Variants in RASA2 observed in about 807,000 individuals in gnomAD.
RASA2 encodes ras GTPase-activating protein 2.
Under a neutral mutation model 118.2 loss-of-function variants are expected in RASA2, and 155 were observed. That is an observed-to-expected ratio of 1.31 (90% CI 1.15 to 1.50). RASA2 has a LOEUF of 1.50. Ranked by LOEUF, RASA2 falls within the 40% of genes most tolerant of loss-of-function variation. The pLI is 0.00. For synonymous variants in RASA2, 353 were observed against 349.1 expected (o/e 1.01, Z -0.12); for missense variants, 1,016 against 1,009.6 (o/e 1.01, Z -0.09).
chr3:141,592,052 A>G (rs2083292652), intron 19 of RASA2, among the ~76,000 whole-genome samples: 1 of 152,194 alleles, frequency 6.6e-6, no homozygotes, highest in Non-Finnish European at 1.5e-5. Context: ...GATCTTTACT[A>G]AGACAATAAA....
intron 9 of RASA2, among the ~76,000 whole-genome samples, chr3:141,563,269 C>T (rs1042598435): frequency 6.6e-6 from 1 of 152,056 alleles, no homozygotes; most frequent in African/African-American, 2.4e-5. Context: ...GGAAATATTT[C>T]ATTCAAAAAC....
rs868604336 is a variant in RASA2 at position 141,528,724 on chromosome 3, T to C, written c.356-984T>C. 4.6e-5 allele frequency among the ~76,000 whole-genome samples: 7 copies of C among 152,108 alleles called. No individual in the cohort carries two copies. In the Middle Eastern group the frequency reaches 0.014, roughly 296 times the overall value. On this transcript the variant is annotated intron_variant, in intron 3 of 23. Coordinates refer to ENST00000286364, the MANE Select transcript of RASA2 (RefSeq NM_006506.5). Reference sequence around the variant, plus strand: ...CCTGTTCCTTCCTTTTCACTTGATATACAAAAGTTGACGTATCTTGACAGA... The same window carrying C: ...CCTGTTCCTTCCTTTTCACTTGATACACAAAAGTTGACGTATCTTGACAGA...
In RASA2 at chr3:141,556,936, T is replaced by C. The variant is rs527647500; in HGVS notation, c.684+1024T>C. 6.6e-5 allele frequency among the ~76,000 whole-genome samples: 10 copies of C among 152,214 alleles called. No homozygotes were observed. In the East Asian group the frequency reaches 1.9e-3, roughly 29 times the overall value. On this transcript the variant is annotated intron_variant, in intron 7 of 23. Coordinates refer to ENST00000286364, the MANE Select transcript of RASA2 (RefSeq NM_006506.5). Reference sequence around the variant, plus strand: ...AGAAAAAGTACCAATGTGAGACTTTTCCATTTCCTGGCTAAGGACTTGGTG... The same window carrying C: ...AGAAAAAGTACCAATGTGAGACTTTCCCATTTCCTGGCTAAGGACTTGGTG...
intron 7 of RASA2, among the ~76,000 whole-genome samples, chr3:141,557,866 C>G (rs1337765285): frequency 6.6e-6 from 1 of 151,958 alleles, no homozygotes. Flanking sequence ...GGTTCCAAAT[C>G]TGGAAAAATA....
intron 2 of RASA2, among the ~76,000 whole-genome samples, chr3:141,515,145 A>G (rs993536067): frequency 6.6e-6 from 1 of 152,214 alleles, no homozygotes; most frequent in Non-Finnish European, 1.5e-5. Context: ...TTTGTAACTT[A>G]TAGCTCAATA....
intron 1 of RASA2, among the ~76,000 whole-genome samples, chr3:141,500,692 A>C (rs2081766026): frequency 6.6e-6 from 1 of 152,164 alleles, no homozygotes; most frequent in African/African-American, 2.4e-5. Context: ...CTTAATGGAT[A>C]ACTTATTTGA....
intron 2 of RASA2, 131 bp downstream of exon 2, chr3:141,512,411 T>A: frequency 1.6e-6 from 1 of 627,302 alleles, no homozygotes; most frequent in Non-Finnish European, 2.7e-6. Flanking sequence ...TTTCATTGCC[T>A]CAAAATGTAT....
intron 1 of RASA2, among the ~76,000 whole-genome samples, chr3:141,505,873 G>A (rs1042208027): frequency 2.6e-5 from 4 of 152,110 alleles, no homozygotes; most frequent in Admixed American, 2.6e-4. Context: ...AGATATGTAT[G>A]ATTTAGGAAG....
In RASA2 at chr3:141,573,303, G is replaced by A. The variant is rs570619708; in HGVS notation, c.1359+82G>A. Reference sequence around the variant, plus strand: ...TTTCTCCCACTTACATTATGATAAAGCCATATAGAGGGAAGCAGTGCTGTT... The same window carrying A: ...TTTCTCCCACTTACATTATGATAAAACCATATAGAGGGAAGCAGTGCTGTT... On this transcript the variant is annotated intron_variant, in intron 13 of 23. Coordinates refer to ENST00000286364, the MANE Select transcript of RASA2 (RefSeq NM_006506.5). 175 of 1,394,570 alleles carry A rather than the reference G, an allele frequency of 1.3e-4. 3 individuals carry two copies. In the South Asian group the frequency reaches 2.4e-3, roughly 20 times the overall value. 86.4% of individuals were successfully genotyped at this position (1,394,570 alleles called of 1,614,324 possible).
chr3:141,491,918 A>G (rs757239422), intron 1 of RASA2, among the ~76,000 whole-genome samples: 4 of 152,224 alleles, frequency 2.6e-5, no homozygotes, highest in Non-Finnish European at 5.9e-5. Context: ...AAAACATTTT[A>G]TTGACTATCC....
chr3:141,584,562 T>C (rs2083169881), intron 17 of RASA2, among the ~76,000 whole-genome samples: 1 of 152,168 alleles, frequency 6.6e-6, no homozygotes, highest in Non-Finnish European at 1.5e-5. Flanking sequence ...TCCCAGATAA[T>C]CTGTTTACTC....
At chr3:141,577,424 T>A (rs952969924) in intron 15 of RASA2, among the ~76,000 whole-genome samples, 1 of 152,174 alleles carries the variant, frequency 6.6e-6, no homozygotes, top group Admixed American at 6.5e-5. Context: ...TTTTTTTCAT[T>A]AGTTACAGGT....
intron 19 of RASA2, among the ~76,000 whole-genome samples, chr3:141,601,416 C>G (rs901320269): frequency 6.6e-6 from 1 of 150,548 alleles, no homozygotes; most frequent in Non-Finnish European, 1.5e-5. Flanking sequence ...GCCTGGGCAA[C>G]AGAGAGAGAC....
chr3:141,490,357 AC>A (rs2081626605), intron 1 of RASA2, among the ~76,000 whole-genome samples: 2 of 139,030 alleles, frequency 1.4e-5, no homozygotes, highest in East Asian at 2.0e-4. Context: ...AAAAAAAAAA[AC>A]CGTATTCAAA....
At chr3:141,513,777 A>G (rs1295845486) in intron 2 of RASA2, among the ~76,000 whole-genome samples, 1 of 152,180 alleles carries the variant, frequency 6.6e-6, no homozygotes, top group African/African-American at 2.4e-5. Context: ...TTTACTTTAT[A>G]TTTCAGCTTC....
At chr3:141,505,044 T>C (rs893211248) in intron 1 of RASA2, among the ~76,000 whole-genome samples, 3 of 152,208 alleles carry the variant, frequency 2.0e-5, no homozygotes, top group African/African-American at 7.2e-5. Flanking sequence ...CCTGCTTCCC[T>C]ATATAAAATA....
intron 4 of RASA2, among the ~76,000 whole-genome samples, chr3:141,531,919 T>C (rs747296494): frequency 6.6e-6 from 1 of 152,028 alleles, no homozygotes; most frequent in African/African-American, 2.4e-5. Flanking sequence ...AATCCTACTT[T>C]GTTAATAAAT....
Position 141,572,692 on chromosome 3 carries a change from T to C in RASA2, c.1253T>C (p.Leu418Pro). 1 of 1,612,046 alleles carries C rather than the reference T, an allele frequency of 6.2e-7. No homozygotes were observed. Among genetic ancestry groups the C allele is most frequent in the East Asian group, 2.2e-5 (1 of 44,754 alleles). Residue 418 changes from leucine (L) to proline (P), a missense_variant, in exon 12 of 24, where the codon CTG (leucine) becomes CCG (proline). This residue lies in a region of RASA2 where 896 missense variants were observed against 836.4 expected (regional missense o/e 1.07). Transcript: ENST00000286364. ...ATGAAAATAGTGGGAGGGCACTACC[T>C]GAAAGTAACATTAAAACCTATTCTT... ...EMMKIVGGHY[L>P]KVTLKPILDE...
chr3:141,591,086 G>A (rs919333048), intron 19 of RASA2, among the ~76,000 whole-genome samples: 1 of 152,090 alleles, frequency 6.6e-6, no homozygotes, highest in Non-Finnish European at 1.5e-5. Flanking sequence ...TCTTCTACAA[G>A]TAAAAGTTCT....
Sources: allele counts gnomAD v4.1 joint callset (sites outside exome capture counted in the v4.1 genomes callset), GRCh38; gene constraint gnomAD v4.1.1; regional missense constraint gnomAD v4.1.1; transcripts MANE v1.5; gene names NCBI Gene and HGNC (gene_info 2026-07-23, HGNC 2026-07-21).